MYO7B: variants seen among roughly 807,000 people sequenced by gnomAD.
MYO7B encodes myosin VIIB.
Under a neutral mutation model 259.7 loss-of-function variants are expected in MYO7B, and 212 were observed. That is an observed-to-expected ratio of 0.82 (90% confidence interval 0.73 to 0.91). The LOEUF (loss-of-function observed/expected upper bound fraction) is 0.91, where lower values mean the gene tolerates loss of function less well. Ranked by LOEUF, MYO7B falls within the 40% of genes least tolerant of loss-of-function variation. The probability of loss-of-function intolerance (pLI) is 0.00; values close to 1 mark genes in which losing one functional copy is unlikely to be tolerated. For missense variants in MYO7B, 2,732 were observed against 2,813.5 expected (o/e 0.97, Z 0.66); for synonymous variants, 1,197 against 1,166.4 (o/e 1.03, Z -0.54).
intron 1 of MYO7B, among the ~76,000 whole-genome samples, chr2:127,536,985 T>A (rs1255917807): frequency 6.6e-6 from 1 of 152,320 alleles, no homozygotes; most frequent in East Asian, 1.9e-4. Context: ...CCTATATGTG[T>A]TGATATTGCT....
chr2:127,603,806 G>A (rs116407564), intron 19 of MYO7B, among the ~76,000 whole-genome samples: 5,535 of 152,232 alleles, frequency 0.036, 200 homozygotes, highest in Non-Finnish European at 0.051. Context: ...TCCTAGTGGC[G>A]TCTTCTTCCA....
At chr2:127,570,135 A>G (rs955400951) in intron 6 of MYO7B, among the ~76,000 whole-genome samples, 1 of 152,074 alleles carries the variant, frequency 6.6e-6, no homozygotes, top group Non-Finnish European at 1.5e-5. Context: ...TGTGTTTTCC[A>G]CGGGATTGTA....
chr2:127,569,299 C>T (rs766202436), intron 5 of MYO7B, among the ~76,000 whole-genome samples: 5 of 151,906 alleles, frequency 3.3e-5, no homozygotes, highest in African/African-American at 1.2e-4. Flanking sequence ...CAAAATTGGC[C>T]GGGAGTTGAA....
At chr2:127,580,119 G>A (rs551494907) in intron 9 of MYO7B, among the ~76,000 whole-genome samples, 74 of 152,280 alleles carry the variant, frequency 4.9e-4, no homozygotes, top group African/African-American at 1.7e-3. Context: ...TGTGTTTTAT[G>A]CACTTCTTTA....
intron 5 of MYO7B, 128 bp from the exon 6 acceptor site, chr2:127,569,661 T>C (rs1411447725): frequency 2.5e-5 from 31 of 1,220,518 alleles, no homozygotes; most frequent in Non-Finnish European, 3.1e-5. Context: ...CAGTGGGATT[T>C]CTGCAGGGGA....
In MYO7B at chr2:127,631,252, C is replaced by A; in HGVS notation, c.4984C>A (p.Arg1662Ser). The A allele has an allele frequency of 6.2e-7, 1 of 1,610,972 alleles. No individual in the cohort carries two copies. The highest frequency in any genetic ancestry group is 8.5e-7 in the Non-Finnish European group (1 of 1,178,612). Residue 1662 changes from arginine (R) to serine (S), a missense_variant, in exon 37 of 48, where the codon CGT becomes AGT. Physicochemically the swap from Arg to Ser is moderately radical, Grantham distance 110. This residue lies in a region of MYO7B where 821 missense variants were observed against 769.3 expected (regional missense o/e 1.07). Coordinates refer to ENST00000409816, the MANE Select transcript of MYO7B (RefSeq NM_001393586.1). ...GAGCATGGCCGTGCTGCCCCTGGCC[C>A]GTGCCCGTGGCCACCTGTGGGCCTA... ...MVSMAVLPLA[R>S]ARGHLWAYSC...
chr2:127,631,800 T>A (rs1283167872), intron 38 of MYO7B, 47 bp downstream of exon 38: 2 of 1,591,196 alleles, frequency 1.3e-6, no homozygotes. Flanking sequence ...TCAGTCCTCA[T>A]CCCGGCCCCT....
chr2:127,608,649 G>C, intron 21 of MYO7B, 59 bp from the exon 22 acceptor site: 1 of 1,549,938 alleles, frequency 6.5e-7, no homozygotes, highest in Non-Finnish European at 8.7e-7. Context: ...GGGTAGGCAG[G>C]GCTGGGCCCC....
At chr2:127,565,783 G>A (rs1326615223) in intron 4 of MYO7B, among the ~76,000 whole-genome samples, 2 of 152,126 alleles carry the variant, frequency 1.3e-5, no homozygotes, top group Non-Finnish European at 2.9e-5. Flanking sequence ...TTCACCAGAC[G>A]AGGGGGCCAT....
chr2:127,561,986 G>C (rs1323548404), intron 2 of MYO7B, among the ~76,000 whole-genome samples: 1 of 151,912 alleles, frequency 6.6e-6, no homozygotes. Flanking sequence ...GTGCTTGGGG[G>C]TGAGGAGAGG....
chr2:127,548,136 G>T (rs192091212), intron 1 of MYO7B, among the ~76,000 whole-genome samples: 125 of 152,162 alleles, frequency 8.2e-4, no homozygotes, highest in South Asian at 8.3e-4. Flanking sequence ...TTTAATGTCC[G>T]TGGGATCAGA....
chr2:127,627,099 G>T lies in MYO7B; in HGVS notation c.4333+7G>T. On this transcript the variant is annotated splice_region_variant and intron_variant, in intron 32 of 47. Transcript: ENST00000409816. The surrounding 1 kb of genome is among the most constrained non-coding windows in gnomAD (Gnocchi z 5.6). ...GAAGTCATCACACTCTCAGGTAATG[G>T]CATCTGACAGGGGGCAGGGAGCAGG... 1 of 1,609,030 alleles carries T rather than the reference G, an allele frequency of 6.2e-7. No individual in the cohort carries two copies.
rs1679234357 is a variant in MYO7B, at chr2:127,584,725, C to T, written c.1555-53C>T. On this transcript the variant is annotated intron_variant, in intron 13 of 47. Coordinates refer to ENST00000409816, the MANE Select transcript of MYO7B (RefSeq NM_001393586.1). This position sits in a 1 kb window ranked among gnomAD's most constrained non-coding sequence, Gnocchi z 5.8. ...ATGAGGAAGTCCCTGAGCCTCACCT[C>T]CCCATGGCTGGACTCTGGGACCTCA... 1.2e-6 allele frequency: 2 copies of T among 1,604,292 alleles called. No individual in the cohort carries two copies. The highest frequency in any genetic ancestry group is 8.5e-7 in the Non-Finnish European group (1 of 1,174,372).
rs1346039944 is a variant in MYO7B at position 127,559,577 on chromosome 2, T to C, written c.-23-123T>C. The C allele has an allele frequency of 2.4e-5, 20 of 841,846 alleles. No individual in the cohort carries two copies. In the East Asian group the frequency reaches 4.4e-4, roughly 19 times the overall value. 52.1% of individuals were successfully genotyped at this position (841,846 alleles called of 1,614,324 possible). A position where few individuals can be genotyped will look rare whatever the true frequency, so the allele number is the denominator to read the frequency against. Reference sequence around the variant, plus strand: ...TTCATCCATTTATTCAGCATTGTTTTTGAGCCAGGTCCCATGCCGGGCACT... The same window carrying C: ...TTCATCCATTTATTCAGCATTGTTTCTGAGCCAGGTCCCATGCCGGGCACT... On this transcript the variant is annotated intron_variant, in intron 1 of 47. Transcript: ENST00000409816. This position sits in a 1 kb window ranked among gnomAD's most constrained non-coding sequence, Gnocchi z 4.1.
chr2:127,623,255 G>T lies in MYO7B; in HGVS notation c.3699G>T (p.Glu1233Asp), dbSNP rs1249227104. The change falls in exon 29 of 48, where the codon GAG becomes GAT. Residue 1233 changes from glutamate to aspartate, a missense_variant. Around this residue, in one of 3 missense-constraint regions of MYO7B, gnomAD observed 1,906 missense variants for 2,026.4 expected, o/e 0.94. Coordinates refer to ENST00000409816, the MANE Select transcript of MYO7B (RefSeq NM_001393586.1). ...TCCAAGTCATCTTGGCCACTGGAGA[G>T]AGCCTAACCGTCCCCGTGGACTCAG... ...IPIQVILATG[E>D]SLTVPVDSAS... 4 of 1,613,664 alleles carry T rather than the reference G, an allele frequency of 2.5e-6. No homozygotes were observed. The East Asian group carries it at 8.9e-5, about 36-fold the overall frequency.
At position 127,565,304 on chromosome 2, in the gene MYO7B, C is replaced by T. The variant is rs764867138; in HGVS notation, c.204C>T (p.Asp68=). 183 of 1,614,008 alleles carry T rather than the reference C, an allele frequency of 1.1e-4. 3 individuals carry two copies. The South Asian group carries it at 1.4e-3, about 13-fold the overall frequency. ...PMHPNSVQGV[D]DMIRLGDLNE... ...ACCCCAACTCAGTCCAGGGTGTGGA[C>T]GACATGATCCGCCTGGGGGACCTGA... The change falls in exon 4 of 48, where the codon GAC becomes GAT. Residue 68 remains aspartate (D), a synonymous_variant. Transcript: ENST00000409816.
intron 43 of MYO7B, 140 bp from the exon 44 acceptor site, chr2:127,635,582 C>A: frequency 1.1e-6 from 1 of 915,048 alleles, no homozygotes; most frequent in Non-Finnish European, 1.6e-6. Flanking sequence ...ATTCCCCTGG[C>A]CTGAAACTCT....
At chr2:127,570,044 A>G in intron 6 of MYO7B, 134 bp downstream of exon 6, 1 of 1,133,720 alleles carries the variant, frequency 8.8e-7, no homozygotes. Flanking sequence ...CACAAAACAC[A>G]AGGGTGGGGT....
At chr2:127,634,541 C>A in intron 41 of MYO7B, 55 bp from the exon 42 acceptor site, 1 of 1,495,748 alleles carries the variant, frequency 6.7e-7, no homozygotes, top group East Asian at 2.4e-5. Flanking sequence ...AGCAGGTTCT[C>A]AGGAGGACAG....
Sources: gnomAD v4.1 joint callset for allele counts (sites outside exome capture counted in the v4.1 genomes callset) on GRCh38, gnomAD v4.1.1 for gene constraint, gnomAD v4.1.1 regional missense constraint, Gnocchi (gnomAD v3.1) non-coding constraint, MANE v1.5 for transcripts, NCBI Gene and HGNC (gene_info 2026-07-23, HGNC 2026-07-21) for gene names.